The following B3GALNT2 variants were observed in gnomAD, a reference collection of about 807,000 sequenced individuals.
B3GALNT2 encodes beta-1,3-N-acetylgalactosaminyltransferase 2.
In B3GALNT2, 53 loss-of-function variants were observed where a neutral mutation model predicts 61.1. That is an observed-to-expected ratio of 0.87 (90% confidence interval 0.70 to 1.09). The LOEUF (loss-of-function observed/expected upper bound fraction) is 1.09, where lower values mean the gene tolerates loss of function less well. Among genes scored for constraint, B3GALNT2 ranks in the 50% least tolerant of loss-of-function variants. The probability of loss-of-function intolerance (pLI) is 0.00; values close to 1 mark genes in which losing one functional copy is unlikely to be tolerated. For missense variants in B3GALNT2, 544 were observed against 623.0 expected (o/e 0.87, Z 1.35); for synonymous variants, 223 against 237.4 (o/e 0.94, Z 0.56).
intron 6 of B3GALNT2, among the ~76,000 whole-genome samples, chr1:235,467,483 CTTT>C (rs373792377): frequency 1.2e-4 from 14 of 116,586 alleles, no homozygotes; most frequent in South Asian, 2.6e-4. Flanking sequence ...TACTTATTTA[CTTT>C]TTTTTTTTTT....
intron 11 of B3GALNT2, among the ~76,000 whole-genome samples, chr1:235,452,741 G>A (rs990814092): frequency 1.1e-4 from 17 of 151,888 alleles, no homozygotes; most frequent in African/African-American, 2.7e-4. Context: ...TTGTAGAGAC[G>A]GGGGGTTTCA....
At chr1:235,495,195 CTATAAGT>C (rs1210308912) in intron 1 of B3GALNT2, among the ~76,000 whole-genome samples, 2 of 152,298 alleles carry the variant, frequency 1.3e-5, no homozygotes, top group Middle Eastern at 3.4e-3. Flanking sequence ...CATATATTAA[CTATAAGT>C]TATTTAGCTT....
intron 1 of B3GALNT2, among the ~76,000 whole-genome samples, chr1:235,501,266 T>C (rs1685569433): frequency 6.6e-6 from 1 of 152,254 alleles, no homozygotes; most frequent in African/African-American, 2.4e-5. Flanking sequence ...TCAGGTGTAC[T>C]GGATTTCACT....
At chr1:235,450,927 T>C (rs986346309) in intron 11 of B3GALNT2, 4 of 152,366 alleles carry the variant, frequency 2.6e-5, no homozygotes, top group African/African-American at 9.6e-5. Flanking sequence ...TTGGTTTCTA[T>C]TTCCAGCAAT....
At chr1:235,483,432 A>C (rs1344539723) in intron 4 of B3GALNT2, among the ~76,000 whole-genome samples, 1 of 152,178 alleles carries the variant, frequency 6.6e-6, no homozygotes, top group East Asian at 1.9e-4. Flanking sequence ...GCCCTGAATA[A>C]AACAGACAAA....
chr1:235,441,671 A>G, the B3GALNT2 span: 9 of 708,796 alleles, frequency 1.3e-5, no homozygotes, highest in Middle Eastern at 2.4e-4. Flanking sequence ...CCTAAAAATC[A>G]CACTGAATAA....
chr1:235,474,338 C>G (rs1684137773), intron 5 of B3GALNT2, among the ~76,000 whole-genome samples: 1 of 152,198 alleles, frequency 6.6e-6, no homozygotes, highest in Admixed American at 6.5e-5. Context: ...ATATCTATCT[C>G]TCCCATAACA....
rs1266257362 is a variant in B3GALNT2 at position 235,448,932 on chromosome 1, T to C, written c.*1274A>G. Reference sequence around the variant, plus strand: ...TGGGAAGTGACCATTTCTAGGCTTATACATAATAGCAATAATAAAGGCTTT... The same window carrying C: ...TGGGAAGTGACCATTTCTAGGCTTACACATAATAGCAATAATAAAGGCTTT... On this transcript the variant is annotated 3_prime_UTR_variant, in exon 12 of 12. Transcript: ENST00000366600. 1 of 596,480 alleles carries C rather than the reference T, an allele frequency of 1.7e-6. No homozygotes were observed. The highest frequency in any genetic ancestry group is 3.0e-6 in the Non-Finnish European group (1 of 330,922). 36.9% of individuals were successfully genotyped at this position (596,480 alleles called of 1,614,324 possible).
At chr1:235,472,713 A>G (rs1179111506) in intron 5 of B3GALNT2, among the ~76,000 whole-genome samples, 3 of 152,168 alleles carry the variant, frequency 2.0e-5, no homozygotes, top group Admixed American at 2.0e-4. Flanking sequence ...TATAGTATAG[A>G]GGATTAAATG....
intron 1 of B3GALNT2, chr1:235,496,292 C>G: frequency 1.4e-6 from 1 of 739,582 alleles, no homozygotes; most frequent in Middle Eastern, 4.3e-4. Flanking sequence ...GCCTGGGCAA[C>G]AAGAGTGAGA....
At chr1:235,444,662 C>T (rs923251758), downstream of B3GALNT2, among the ~76,000 whole-genome samples, 3 of 152,198 alleles carry the variant, frequency 2.0e-5, no homozygotes, top group Admixed American at 2.0e-4. Flanking sequence ...GTCATCACCT[C>T]CCAAAGTGCT....
At chr1:235,465,746 A>T (rs772862261) in intron 6 of B3GALNT2, 32 bp from the exon 7 acceptor site, 1 of 1,601,664 alleles carries the variant, frequency 6.2e-7, no homozygotes, top group Admixed American at 1.8e-5. Flanking sequence ...TCAGTGATTC[A>T]TTACTAAAAA....
downstream of B3GALNT2, chr1:235,442,883 T>A: frequency 6.2e-7 from 1 of 1,614,106 alleles, no homozygotes; most frequent in Non-Finnish European, 8.5e-7. Flanking sequence ...ATCAACTTGA[T>A]CAGAAAGTCC....
Position 235,504,232 on chromosome 1 carries a change from C to G in B3GALNT2, c.21G>C (p.Leu7=). ...CGGCCCCGAGCACACACGGGCACAG[C>G]AGCACCAGCCAGTTTCGCATTGGCC... The part of the protein sequence containing the change: MRNWLV[L]LCPCVLGAAL... Residue 7 remains leucine, a synonymous_variant, in exon 1 of 12, where the codon CTG becomes CTC. Transcript: ENST00000366600. 1.3e-6 allele frequency: 2 copies of G among 1,483,426 alleles called. No individual in the cohort carries two copies. The highest frequency in any genetic ancestry group is 1.8e-6 in the Non-Finnish European group (2 of 1,123,368). The allele number at this position is 1,483,426 out of a possible 1,614,324, so 91.9% of individuals were successfully genotyped here.
At chr1:235,497,935 C>A (rs187402735) in intron 1 of B3GALNT2, among the ~76,000 whole-genome samples, 4 of 152,196 alleles carry the variant, frequency 2.6e-5, no homozygotes, top group African/African-American at 9.7e-5. Flanking sequence ...CACTCTCAAT[C>A]CCCCCTGCTT....
Position 235,448,246 on chromosome 1 carries a change from A to T in B3GALNT2, c.*1960T>A. 1.2e-6 allele frequency: 1 copy of T among 831,434 alleles called. No individual in the cohort carries two copies. The highest frequency in any genetic ancestry group is 2.1e-6 in the Non-Finnish European group (1 of 486,656). The allele number at this position is 831,434 out of a possible 1,614,324, so 51.5% of individuals were successfully genotyped here. A position where few individuals can be genotyped will look rare whatever the true frequency, so the allele number is the denominator to read the frequency against. On this transcript the variant is annotated 3_prime_UTR_variant, in exon 12 of 12. Coordinates refer to ENST00000366600, the MANE Select transcript of B3GALNT2 (RefSeq NM_152490.5). ...AAAAAAAAAAAAAAAAAAAAGACAG[A>T]TACAGCTATCATTGCAATGATACTG...
In B3GALNT2 at chr1:235,476,204, G is replaced by A. The variant is rs1469321677; in HGVS notation, c.651+3850C>T. On this transcript the variant is annotated intron_variant, in intron 5 of 11. Coordinates refer to ENST00000366600, the MANE Select transcript of B3GALNT2 (RefSeq NM_152490.5). The stretch of plus-strand genomic sequence containing the variant: ...AGGCGGGCGGATCATGAGATCAGGA[G>A]ATCAAGACCATCCTGGCTAACACGG... 2.0e-5 allele frequency among the ~76,000 whole-genome samples: 3 copies of A among 151,502 alleles called. No individual in the cohort carries two copies. The South Asian group carries it at 6.3e-4, about 32-fold the overall frequency.
At chr1:235,500,219 G>A (rs964349141) in intron 1 of B3GALNT2, among the ~76,000 whole-genome samples, 8 of 152,168 alleles carry the variant, frequency 5.3e-5, no homozygotes, top group East Asian at 1.9e-4. Flanking sequence ...AGGGCCTGGC[G>A]CAGTGGCTCA....
intron 7 of B3GALNT2, among the ~76,000 whole-genome samples, chr1:235,459,780 T>C (rs1683331347): frequency 6.6e-6 from 1 of 152,292 alleles, no homozygotes; most frequent in South Asian, 2.1e-4. Flanking sequence ...GTTTCAACTG[T>C]ACCTACAATG....
Sources: allele counts gnomAD v4.1 joint callset (sites outside exome capture counted in the v4.1 genomes callset), GRCh38; gene constraint gnomAD v4.1.1; transcripts MANE v1.5; gene names NCBI Gene and HGNC (gene_info 2026-07-23, HGNC 2026-07-21).